The following PDLIM5 variants were observed in gnomAD, a reference collection of about 807,000 sequenced individuals.
PDLIM5 encodes the protein PDZ and LIM domain 5, also known as PDZ and LIM domain protein 5.
A neutral mutation model predicts 64.2 loss-of-function variants in PDLIM5; 34 were observed. The ratio of observed to expected loss-of-function variants is 0.53; its 90% CI spans 0.40 to 0.71. The LOEUF (loss-of-function observed/expected upper bound fraction) is 0.71, where lower values mean the gene tolerates loss of function less well. Among genes scored for constraint, PDLIM5 ranks in the 30% least tolerant of loss-of-function variants. PDLIM5 has a pLI of 0.00. For missense variants in PDLIM5, 683 were observed against 733.6 expected (o/e 0.93, Z 0.80); for synonymous variants, 253 against 269.1 (o/e 0.94, Z 0.59).
intron 2 of PDLIM5, among the ~76,000 whole-genome samples, chr4:94,496,640 C>T (rs1293167693): frequency 6.6e-6 from 1 of 152,198 alleles, no homozygotes; most frequent in Non-Finnish European, 1.5e-5. Flanking sequence ...CAGGTGTGCA[C>T]TACCATGCCT....
chr4:94,497,535 G>A (rs1727510572), intron 2 of PDLIM5, among the ~76,000 whole-genome samples: 1 of 152,032 alleles, frequency 6.6e-6, no homozygotes, highest in Non-Finnish European at 1.5e-5. Context: ...AATTGATTAT[G>A]CTCATCTTTT....
rs149252226 is a variant in PDLIM5, at chr4:94,632,333, T to C, written c.1109-7943T>C. Among the ~76,000 whole-genome samples the C allele has an allele frequency of 2.4e-3, 369 of 152,368 alleles. 1 individual carries two copies. Among genetic ancestry groups the C allele is most frequent in the African/African-American group, 8.5e-3 (354 of 41,588 alleles). ...CTTATCCTTTCAGAAGTTTATATTC[T>C]TGATCTGTTAAATAGTTGACAGTAC... On this transcript the variant is annotated intron_variant, in intron 8 of 12. Coordinates refer to ENST00000317968, the MANE Select transcript of PDLIM5 (RefSeq NM_006457.5).
intron 9 of PDLIM5, among the ~76,000 whole-genome samples, chr4:94,646,839 C>A (rs1266821792): frequency 1.3e-5 from 2 of 152,140 alleles, no homozygotes; most frequent in Admixed American, 1.3e-4. Context: ...TGGAAGGAAT[C>A]CCACAATCAC....
chr4:94,633,974 A>G (rs1740358020), intron 8 of PDLIM5, among the ~76,000 whole-genome samples: 1 of 152,164 alleles, frequency 6.6e-6, no homozygotes, highest in Admixed American at 6.5e-5. Flanking sequence ...AAGGGCCTGA[A>G]TCAGAAGCAC....
chr4:94,483,835 C>T (rs185509214), intron 2 of PDLIM5, among the ~76,000 whole-genome samples: 1 of 152,168 alleles, frequency 6.6e-6, no homozygotes, highest in Non-Finnish European at 1.5e-5. Flanking sequence ...TTTATGGAAT[C>T]ATGGATTTGA....
chr4:94,475,911 T>C (rs746192057), intron 2 of PDLIM5, among the ~76,000 whole-genome samples: 1 of 152,170 alleles, frequency 6.6e-6, no homozygotes, highest in African/African-American at 2.4e-5. Context: ...CAGTGTAAAG[T>C]TTGTCAGAAT....
At chr4:94,470,851 A>G (rs1171759874) in intron 2 of PDLIM5, among the ~76,000 whole-genome samples, 3 of 152,242 alleles carry the variant, frequency 2.0e-5, no homozygotes, top group Non-Finnish European at 4.4e-5. Flanking sequence ...AACATATCCA[A>G]GAGTGGGTAA....
chr4:94,597,463 A>C (rs1286301755), intron 7 of PDLIM5, among the ~76,000 whole-genome samples: 1 of 152,160 alleles, frequency 6.6e-6, no homozygotes, highest in Non-Finnish European at 1.5e-5. Flanking sequence ...CATCTATTCA[A>C]GGGATAAGTA....
chr4:94,519,913 C>T (rs1249564009), intron 2 of PDLIM5, among the ~76,000 whole-genome samples: 2 of 152,132 alleles, frequency 1.3e-5, no homozygotes, highest in African/African-American at 4.8e-5. Context: ...CAAGAGAAGA[C>T]TTCTTGTCAT....
chr4:94,500,359 C>T (rs1259798777), intron 2 of PDLIM5, among the ~76,000 whole-genome samples: 4 of 152,130 alleles, frequency 2.6e-5, no homozygotes, highest in South Asian at 4.1e-4. Context: ...TTTGTGAATT[C>T]CTTCATTTTC....
At chr4:94,524,762 A>G (rs1043167892) in intron 3 of PDLIM5, among the ~76,000 whole-genome samples, 1 of 152,136 alleles carries the variant, frequency 6.6e-6, no homozygotes, top group African/African-American at 2.4e-5. Flanking sequence ...TCTATACTGA[A>G]TCCGAATTTC....
At chr4:94,527,595 G>A (rs1027308345) in intron 3 of PDLIM5, among the ~76,000 whole-genome samples, 1 of 152,186 alleles carries the variant, frequency 6.6e-6, no homozygotes, top group East Asian at 1.9e-4. Context: ...TACAGTAAGG[G>A]ATTCCTTTAA....
intron 8 of PDLIM5, among the ~76,000 whole-genome samples, chr4:94,626,890 TTCTA>T (rs1406715093): frequency 6.6e-6 from 1 of 152,122 alleles, no homozygotes; most frequent in Non-Finnish European, 1.5e-5. Flanking sequence ...TGGATATAAA[TTCTA>T]TCTTTTATTT....
intron 7 of PDLIM5, among the ~76,000 whole-genome samples, chr4:94,611,480 A>G (rs1327015458): frequency 6.6e-6 from 1 of 152,200 alleles, no homozygotes; most frequent in Non-Finnish European, 1.5e-5. Context: ...TTTAAATTGC[A>G]GTAGAATTTC....
chr4:94,513,516 T>C (rs906452462), intron 2 of PDLIM5, among the ~76,000 whole-genome samples: 19 of 152,328 alleles, frequency 1.2e-4, no homozygotes, highest in African/African-American at 4.1e-4. Context: ...TTTTGAATTG[T>C]TCATTTTTGG....
intron 9 of PDLIM5, among the ~76,000 whole-genome samples, chr4:94,652,627 G>A (rs188060488): frequency 6.6e-6 from 1 of 152,196 alleles, no homozygotes; most frequent in Non-Finnish European, 1.5e-5. Context: ...TAATATATTC[G>A]ATTACAGAAT....
chr4:94,575,990 G>A lies in PDLIM5; in HGVS notation c.666G>A (p.Glu222=). ...CCGAGACTTCTCAGGAGCTAGCAGA[G>A]GGACAGAGAAGAGGATCCCAGGGTG... ...VCSETSQELA[E]GQRRGSQGDS... is the part of the protein sequence containing the mutation. Residue 222 remains glutamate (E), a synonymous_variant, in exon 5 of 13, where the codon GAG becomes GAA. Coordinates refer to ENST00000317968, the MANE Select transcript of PDLIM5 (RefSeq NM_006457.5). 6.2e-7 allele frequency: 1 copy of A among 1,614,128 alleles called. No homozygotes were observed. Among genetic ancestry groups the A allele is most frequent in the Non-Finnish European group, 8.5e-7 (1 of 1,180,014 alleles).
At position 94,546,180 on chromosome 4, in the gene PDLIM5, G is replaced by A. The variant is rs1313402893; in HGVS notation, c.248+22305G>A. On this transcript the variant is annotated intron_variant, in intron 3 of 12. Coordinates refer to ENST00000317968, the MANE Select transcript of PDLIM5 (RefSeq NM_006457.5). ...AGAGGATATCCTCATAGAACTGAAC[G>A]TTATGATGGATTTTTAAAATATTCT... 4.6e-5 allele frequency among the ~76,000 whole-genome samples: 7 copies of A among 152,122 alleles called. 1 individual carries two copies. The South Asian group carries it at 6.2e-4, about 14-fold the overall frequency.
At chr4:94,511,966 A>C (rs796118681) in intron 2 of PDLIM5, among the ~76,000 whole-genome samples, 1 of 148,510 alleles carries the variant, frequency 6.7e-6, no homozygotes, top group South Asian at 2.1e-4. Flanking sequence ...CAATATACTG[A>C]CTTCCTGTCT....
Sources: allele counts gnomAD v4.1 joint callset (sites outside exome capture counted in the v4.1 genomes callset), GRCh38; gene constraint gnomAD v4.1.1; transcripts MANE v1.5; gene names NCBI Gene and HGNC (gene_info 2026-07-23, HGNC 2026-07-21).